The following SLC35C1 variants were observed in gnomAD, a reference collection of about 807,000 sequenced individuals.
SLC35C1 encodes the protein solute carrier family 35 member C1, also known as GDP-fucose transporter 1.
SLC35C1 carries 8 observed loss-of-function variants against 23.2 expected under a neutral mutation model. The observed-to-expected ratio is 0.35, with a 90% CI of 0.20 to 0.62. The LOEUF is 0.62. SLC35C1 is among the 20% of genes least tolerant of loss of function. The pLI, the probability that SLC35C1 is intolerant of heterozygous loss-of-function variation, is 0.75. For missense variants in SLC35C1, 422 were observed against 478.6 expected (o/e 0.88, Z 1.10); for synonymous variants, 226 against 225.1 (o/e 1.00, Z -0.04).
In SLC35C1 at chr11:45,812,612, C is replaced by T. The variant is rs768854885; in HGVS notation, c.*1277C>T. On this transcript the variant is annotated 3_prime_UTR_variant, in exon 2 of 2. Coordinates refer to ENST00000314134, the MANE Select transcript of SLC35C1 (RefSeq NM_018389.5). ...CACAAACAAGCAAGCTCCTTCCTGC[C>T]TCTTTTATAAGGACTCCAACCCTGT... 42 of 455,910 alleles carry T rather than the reference C, an allele frequency of 9.2e-5. No homozygotes were observed. In the Middle Eastern group the frequency reaches 2.3e-3, roughly 25 times the overall value. 28.2% of individuals were successfully genotyped at this position (455,910 alleles called of 1,614,324 possible). A position where few individuals can be genotyped will look rare whatever the true frequency, so the allele number is the denominator to read the frequency against.
In SLC35C1 at chr11:45,805,627, C is replaced by G; in HGVS notation, c.-175C>G. On this transcript the variant is annotated 5_prime_UTR_variant, in exon 1 of 2. Coordinates refer to ENST00000314134, the MANE Select transcript of SLC35C1 (RefSeq NM_018389.5). ...TAGGTTGTGGAGCAGCACAACTGGGCTCACCCCAAAGCAGAACTTCTCAAT... is the reference window on the plus strand; with the variant it reads ...TAGGTTGTGGAGCAGCACAACTGGGGTCACCCCAAAGCAGAACTTCTCAAT... The G allele has an allele frequency of 6.7e-7, 1 of 1,489,992 alleles. No individual in the cohort carries two copies. The highest frequency in any genetic ancestry group is 8.9e-7 in the Non-Finnish European group (1 of 1,120,792). 92.3% of individuals were successfully genotyped at this position (1,489,992 alleles called of 1,614,324 possible).
chr11:45,811,603 C>T lies in SLC35C1; in HGVS notation c.*268C>T, dbSNP rs1161734622. 4.0e-5 allele frequency: 16 copies of T among 400,198 alleles called. No homozygotes were observed. Among genetic ancestry groups the T allele is most frequent in the African/African-American group, 6.0e-5 (3 of 49,814 alleles). The allele number at this position is 400,198 out of a possible 1,614,324, so 24.8% of individuals were successfully genotyped here. On this transcript the variant is annotated 3_prime_UTR_variant, in exon 2 of 2. Coordinates refer to ENST00000314134, the MANE Select transcript of SLC35C1 (RefSeq NM_018389.5). ...CGTATTTCTGAGTTTTTGTCCTTCC[C>T]GAGGGAGCACCCTAGTGAGAGTTGA...
upstream of SLC35C1, chr11:45,804,982 C>A (rs559278866): frequency 2.0e-6 from 2 of 985,742 alleles, no homozygotes; most frequent in Non-Finnish European, 2.4e-6. Context: ...CTGCCGAGGT[C>A]CCCCGCCAGC....
At chr11:45,804,942 C>A (rs1169992061), upstream of SLC35C1, 2 of 985,498 alleles carry the variant, frequency 2.0e-6, no homozygotes, top group East Asian at 1.1e-4. Flanking sequence ...GGAAGCAGGG[C>A]GAGGCTCAAG....
Position 45,812,409 on chromosome 11 carries a change from C to A in SLC35C1, c.*1074C>A, listed in dbSNP as rs4756026. On this transcript the variant is annotated 3_prime_UTR_variant, in exon 2 of 2. Transcript: ENST00000314134. ...CTGCTTGGCCCCACTGTTAGTCCAG[C>A]GAGCTCCTATATCAAAATGCCGTAG... 5.2e-6 allele frequency: 2 copies of A among 382,244 alleles called. No homozygotes were observed. Among genetic ancestry groups the A allele is most frequent in the Admixed American group, 3.0e-5 (1 of 32,806 alleles). 23.7% of individuals were successfully genotyped at this position (382,244 alleles called of 1,614,324 possible). A position where few individuals can be genotyped will look rare whatever the true frequency, so the allele number is the denominator to read the frequency against.
At position 45,812,186 on chromosome 11, in the gene SLC35C1, G is replaced by C. The variant is rs190447495; in HGVS notation, c.*851G>C. On this transcript the variant is annotated 3_prime_UTR_variant, in exon 2 of 2. Transcript: ENST00000314134. ...AAGGAGCTGCTTCTCTCTTCTCCCA[G>C]TTCTACCTCCCCAGAAGCCTTCCTC... is the stretch of plus-strand genomic sequence containing the variant. 1.2e-4 allele frequency: 25 copies of C among 201,294 alleles called. No individual in the cohort carries two copies. Among genetic ancestry groups the C allele is most frequent in the African/African-American group, 5.5e-4 (24 of 43,962 alleles). The allele number at this position is 201,294 out of a possible 1,614,324, so 12.5% of individuals were successfully genotyped here.
intron 1 of SLC35C1, 143 bp downstream of exon 1, chr11:45,806,479 G>A (rs1371292494): frequency 8.6e-7 from 1 of 1,167,280 alleles, no homozygotes; most frequent in Non-Finnish European, 1.2e-6. Context: ...TGGGGGCACA[G>A]AGAGAGCAAG....
chr11:45,811,383 C>T lies in SLC35C1; in HGVS notation c.*48C>T. On this transcript the variant is annotated 3_prime_UTR_variant, in exon 2 of 2. Transcript: ENST00000314134. Reference sequence around the variant, plus strand: ...CCCGGCCCCGGGGCCCGTACACAGGCGGGGCCAGCACAGTAGTGAAGGCGG... The same window carrying T: ...CCCGGCCCCGGGGCCCGTACACAGGTGGGGCCAGCACAGTAGTGAAGGCGG... The T allele has an allele frequency of 7.0e-7, 1 of 1,429,784 alleles. No individual in the cohort carries two copies. The highest frequency in any genetic ancestry group is 1.4e-5 in the African/African-American group (1 of 69,950). 88.6% of individuals were successfully genotyped at this position (1,429,784 alleles called of 1,614,324 possible). A position where few individuals can be genotyped will look rare whatever the true frequency, so the allele number is the denominator to read the frequency against.
intron 1 of SLC35C1, chr11:45,810,198 A>C: frequency 1.0e-6 from 1 of 985,438 alleles, no homozygotes; most frequent in African/African-American, 1.7e-5. Flanking sequence ...GAAGTGACAC[A>C]AGATGAGAGT....
chr11:45,812,237 G>A lies in SLC35C1; in HGVS notation c.*902G>A, dbSNP rs951453928. 2.8e-5 allele frequency: 7 copies of A among 248,196 alleles called. No individual in the cohort carries two copies. Among genetic ancestry groups the A allele is most frequent in the African/African-American group, 8.8e-5 (4 of 45,338 alleles). 15.4% of individuals were successfully genotyped at this position (248,196 alleles called of 1,614,324 possible). ...CCCAGGTGGGGCTGATGGAGCAAGG[G>A]TCCAGACTAGGAGCCTTCCACCCCA... On this transcript the variant is annotated 3_prime_UTR_variant, in exon 2 of 2. Coordinates refer to ENST00000314134, the MANE Select transcript of SLC35C1 (RefSeq NM_018389.5).
Position 45,810,884 on chromosome 11 carries a change from A to G in SLC35C1, c.644A>G (p.Tyr215Cys), listed in dbSNP as rs750574550. 3.1e-6 allele frequency: 5 copies of G among 1,612,370 alleles called. No individual in the cohort carries two copies. Among genetic ancestry groups the G allele is most frequent in the Non-Finnish European group, 4.2e-6 (5 of 1,180,006 alleles). The change falls in exon 2 of 2, where the codon TAC becomes TGC. Residue 215 changes from tyrosine to cysteine, a missense_variant. By Grantham distance (194) the Tyr-to-Cys change is radical. Coordinates refer to ENST00000314134, the MANE Select transcript of SLC35C1 (RefSeq NM_018389.5). ...ASLCVSLNAI[Y>C]TTKVLPAVDG... ...CTCTGTGTCTCGCTCAACGCCATCT[A>G]CACCACGAAGGTGCTCCCGGCGGTG...
intron 1 of SLC35C1, among the ~76,000 whole-genome samples, chr11:45,807,775 C>A (rs2085892756): frequency 6.6e-6 from 1 of 152,074 alleles, no homozygotes; most frequent in African/African-American, 2.4e-5. Flanking sequence ...CTGCAAGACC[C>A]CCCCTGCCAG....
At chr11:45,804,504 AT>A (rs2085845421), upstream of SLC35C1, 7 of 985,376 alleles carry the variant, frequency 7.1e-6, no homozygotes, top group Non-Finnish European at 8.4e-6. Context: ...GGGAAACAGT[AT>A]TTTCTGGAAG....
rs777552226 is a variant in SLC35C1, at chr11:45,811,370, G to A, written c.*35G>A. On this transcript the variant is annotated 3_prime_UTR_variant, in exon 2 of 2. Transcript: ENST00000314134. ...GCACCCTGGATGGCCCGGCCCCGGGGCCCGTACACAGGCGGGGCCAGCACA... is the reference window on the plus strand; with the variant it reads ...GCACCCTGGATGGCCCGGCCCCGGGACCCGTACACAGGCGGGGCCAGCACA... The A allele has an allele frequency of 1.2e-5, 17 of 1,454,402 alleles. No homozygotes were observed. In the African/African-American group the frequency reaches 1.8e-4, roughly 16 times the overall value. 90.1% of individuals were successfully genotyped at this position (1,454,402 alleles called of 1,614,324 possible).
intron 1 of SLC35C1, chr11:45,810,180 T>C (rs1452369998): frequency 1.0e-5 from 10 of 985,384 alleles, no homozygotes; most frequent in Non-Finnish European, 1.2e-5. Context: ...CGGAAGCTCT[T>C]TGAGCAGGAA....
intron 1 of SLC35C1, chr11:45,809,718 T>G (rs1484657213): frequency 2.0e-6 from 2 of 981,718 alleles, no homozygotes; most frequent in African/African-American, 1.7e-5. Context: ...AGAGCCTGAT[T>G]GGAGGCTAAA....
chr11:45,809,770 A>G, intron 1 of SLC35C1: 5 of 985,442 alleles, frequency 5.1e-6, no homozygotes, highest in Non-Finnish European at 6.0e-6. Flanking sequence ...CCGTGTTGCC[A>G]GATGCTGTGG....
chr11:45,810,486 A>G (rs1025493667), intron 1 of SLC35C1: 2 of 985,264 alleles, frequency 2.0e-6, no homozygotes, highest in African/African-American at 3.5e-5. Flanking sequence ...AATTCTTACA[A>G]TTGTAATTAA....
upstream of SLC35C1, chr11:45,804,363 T>C: frequency 2.0e-6 from 1 of 502,696 alleles, no homozygotes; most frequent in Non-Finnish European, 2.6e-6. Flanking sequence ...CGGCCCAGGG[T>C]GCGGCGCTGC....
Sources: gnomAD v4.1 joint callset for allele counts (sites outside exome capture counted in the v4.1 genomes callset) on GRCh38, gnomAD v4.1.1 for gene constraint, MANE v1.5 for transcripts, NCBI Gene and HGNC (gene_info 2026-07-23, HGNC 2026-07-21) for gene names.